The following ADAMTS6 variants were observed in gnomAD, a reference collection of about 807,000 sequenced individuals.
ADAMTS6 encodes A disintegrin and metalloproteinase with thrombospondin motifs 6.
ADAMTS6 carries 23 observed loss-of-function variants against 144.3 expected under a neutral mutation model. That is an observed-to-expected ratio of 0.16 (90% CI 0.11 to 0.23). ADAMTS6 has a LOEUF of 0.23. Among genes scored for constraint, ADAMTS6 ranks in the 10% least tolerant of loss-of-function variants. The pLI is 1.00. For synonymous variants in ADAMTS6, 444 were observed against 457.5 expected, an observed-to-expected ratio of 0.97 and a Z score of 0.38; for missense variants, 999 against 1,379.6, an observed-to-expected ratio of 0.72 and a Z score of 4.37.
rs570138722 is a variant in ADAMTS6 at position 65,148,974 on chromosome 5, C to G, written c.*2862G>C. 1 of 152,704 alleles carries G rather than the reference C, an allele frequency of 6.5e-6. No homozygotes were observed. Among genetic ancestry groups the G allele is most frequent in the South Asian group, 2.1e-4 (1 of 4,820 alleles). The allele number at this position is 152,704 out of a possible 1,614,324, so 9.5% of individuals were successfully genotyped here. A position where few individuals can be genotyped will look rare whatever the true frequency, so the allele number is the denominator to read the frequency against. The stretch of plus-strand genomic sequence containing the variant: ...TTACTGAGTATAAAATAATAAGCAA[C>G]AACTAATCACAATAATACAAAGGTA... On this transcript the variant is annotated 3_prime_UTR_variant, in exon 25 of 25. Coordinates refer to ENST00000381055, the MANE Select transcript of ADAMTS6 (RefSeq NM_197941.4).
chr5:65,223,322 A>T (rs752384141), intron 18 of ADAMTS6, among the ~76,000 whole-genome samples: 9 of 152,190 alleles, frequency 5.9e-5, no homozygotes, highest in African/African-American at 2.2e-4. Context: ...AACTTCCTAC[A>T]GTTGCCTTTT....
chr5:65,297,463 G>A (rs565296679), intron 10 of ADAMTS6, among the ~76,000 whole-genome samples: 20 of 152,244 alleles, frequency 1.3e-4, no homozygotes, highest in East Asian at 7.7e-4. Flanking sequence ...AAAGGTATGC[G>A]TTTTGTTGGC....
chr5:65,275,393 AAGAAAGAAAGAAAG>A (rs1762420213), intron 11 of ADAMTS6, among the ~76,000 whole-genome samples: 1 of 147,630 alleles, frequency 6.8e-6, no homozygotes, highest in Non-Finnish European at 1.5e-5. Context: ...GAAAGAAAGA[AAGAAAGAAAGAAAG>A]AAAGAAAGAA....
intron 20 of ADAMTS6, among the ~76,000 whole-genome samples, chr5:65,201,216 A>C (rs1386969574): frequency 6.6e-6 from 1 of 152,132 alleles, no homozygotes; most frequent in East Asian, 1.9e-4. Flanking sequence ...TGATGGTTCA[A>C]GTGAGTCCCA....
intron 12 of ADAMTS6, among the ~76,000 whole-genome samples, chr5:65,268,614 A>T (rs1333347515): frequency 6.6e-6 from 1 of 152,070 alleles, no homozygotes; most frequent in East Asian, 1.9e-4. Flanking sequence ...ATCCATTCAG[A>T]CCATATGGTT....
intron 9 of ADAMTS6, among the ~76,000 whole-genome samples, chr5:65,327,715 C>T: frequency 6.6e-6 from 1 of 152,016 alleles, no homozygotes; most frequent in East Asian, 1.9e-4. Flanking sequence ...GGGAAGTTGC[C>T]CAATCAGAAT....
chr5:65,165,948 C>A (rs1339631817), intron 24 of ADAMTS6, among the ~76,000 whole-genome samples: 83 of 149,946 alleles, frequency 5.5e-4, no homozygotes, highest in Non-Finnish European at 9.8e-4. Flanking sequence ...TAAAGACCAT[C>A]GAGACTAGGA....
intron 8 of ADAMTS6, among the ~76,000 whole-genome samples, chr5:65,333,839 T>C (rs1747018168): frequency 6.6e-6 from 1 of 151,042 alleles, no homozygotes; most frequent in East Asian, 1.9e-4. Context: ...ATATTTATGA[T>C]GGTAATAAAT....
chr5:65,470,867 G>C lies in ADAMTS6; in HGVS notation c.373C>G (p.His125Asp). 6.2e-7 allele frequency: 1 copy of C among 1,609,138 alleles called. No homozygotes were observed. The highest frequency in any genetic ancestry group is 1.1e-5 in the South Asian group (1 of 90,050). ...YWGKDGPQWKHDFLDNCHYTG... is the reference protein window; with the variant it reads ...YWGKDGPQWKDDFLDNCHYTG... Reference sequence around the variant, plus strand: ...TAATGACAGTTGTCTAAAAAATCATGTTTCCACTGGGGTCCATCTTTCCCC... The same window carrying C: ...TAATGACAGTTGTCTAAAAAATCATCTTTCCACTGGGGTCCATCTTTCCCC... The change falls in exon 3 of 25, where the codon CAT (histidine) becomes GAT (aspartate). Residue 125 changes from histidine to aspartate, a missense_variant. His to Asp is a moderately conservative substitution (Grantham distance 81). Around this residue, in one of 3 missense-constraint regions of ADAMTS6, gnomAD observed 252 missense variants for 293.7 expected, o/e 0.86. Transcript: ENST00000381055.
intron 7 of ADAMTS6, among the ~76,000 whole-genome samples, chr5:65,381,061 C>T (rs1751994066): frequency 6.6e-6 from 1 of 152,042 alleles, no homozygotes; most frequent in South Asian, 2.1e-4. Flanking sequence ...AATTATAACC[C>T]TATAAATACA....
intron 11 of ADAMTS6, among the ~76,000 whole-genome samples, chr5:65,280,822 A>T (rs760712369): frequency 2.0e-5 from 3 of 152,182 alleles, no homozygotes; most frequent in Non-Finnish European, 4.4e-5. Flanking sequence ...TTTATAAATG[A>T]CTGGGGAAAA....
intron 11 of ADAMTS6, among the ~76,000 whole-genome samples, chr5:65,277,247 A>T (rs1046498106): frequency 6.6e-5 from 10 of 152,220 alleles, no homozygotes; most frequent in Non-Finnish European, 1.5e-4. Flanking sequence ...TTTATCAAGA[A>T]TCTGCTATGC....
intron 9 of ADAMTS6, among the ~76,000 whole-genome samples, chr5:65,323,635 T>C (rs962625862): frequency 1.3e-5 from 2 of 152,154 alleles, no homozygotes; most frequent in Non-Finnish European, 2.9e-5. Context: ...ATATACCCAG[T>C]AATGGGATGG....
At chr5:65,276,801 T>C (rs1762579334) in intron 11 of ADAMTS6, among the ~76,000 whole-genome samples, 1 of 152,132 alleles carries the variant, frequency 6.6e-6, no homozygotes, top group African/African-American at 2.4e-5. Context: ...TAGGCAGATT[T>C]CCCTAAATAA....
chr5:65,189,548 C>T (rs1174184498), intron 21 of ADAMTS6, among the ~76,000 whole-genome samples: 2 of 152,180 alleles, frequency 1.3e-5, no homozygotes, highest in African/African-American at 4.8e-5. Flanking sequence ...CCTTACACTT[C>T]CCTCAGCTGT....
At chr5:65,211,167 T>A (rs1286105628) in intron 20 of ADAMTS6, among the ~76,000 whole-genome samples, 1 of 152,198 alleles carries the variant, frequency 6.6e-6, no homozygotes, top group East Asian at 1.9e-4. Flanking sequence ...CCCTCAATCA[T>A]AAGCTTCTTA....
At chr5:65,268,223 G>A (rs975762595) in intron 12 of ADAMTS6, among the ~76,000 whole-genome samples, 1 of 152,040 alleles carries the variant, frequency 6.6e-6, no homozygotes, top group African/African-American at 2.4e-5. Context: ...CCAAATACTG[G>A]GCTATATCTC....
At chr5:65,481,229 A>AC (rs1761176795) in intron 1 of ADAMTS6, 114 bp downstream of exon 1, 1 of 151,234 alleles carries the variant, frequency 6.6e-6, no homozygotes. Flanking sequence ...AAAAAAAAAA[A>AC]AAAACACACA....
intron 11 of ADAMTS6, among the ~76,000 whole-genome samples, chr5:65,273,865 T>A (rs1230756958): frequency 1.3e-5 from 2 of 152,156 alleles, no homozygotes; most frequent in African/African-American, 2.4e-5. Context: ...TCTACCATAA[T>A]ATTCAAATGA....
Sources: allele counts gnomAD v4.1 joint callset (sites outside exome capture counted in the v4.1 genomes callset), GRCh38; gene constraint gnomAD v4.1.1; regional missense constraint gnomAD v4.1.1; transcripts MANE v1.5; gene names NCBI Gene and HGNC (gene_info 2026-07-23, HGNC 2026-07-21).